PLOD1: variants seen among roughly 807,000 people sequenced by gnomAD.
PLOD1 encodes the protein lysine hydroxylase.
In PLOD1, 70 loss-of-function variants were observed where a neutral mutation model predicts 94.7. That is an observed-to-expected ratio of 0.74 (90% CI 0.61 to 0.90). The LOEUF is 0.90. PLOD1 is among the 40% of genes least tolerant of loss of function. The probability of loss-of-function intolerance (pLI) is 0.00; values close to 1 mark genes in which losing one functional copy is unlikely to be tolerated. For missense variants in PLOD1, 905 were observed against 972.7 expected (o/e 0.93, Z 0.93); for synonymous variants, 417 against 400.2 (o/e 1.04, Z -0.50).
At chr1:11,966,947 C>T in intron 15 of PLOD1, 40 bp from the exon 16 acceptor site, 2 of 1,216,128 alleles carry the variant, frequency 1.6e-6, no homozygotes, top group Non-Finnish European at 2.5e-6. Flanking sequence ...TTCTGTGGTG[C>T]CACTGTGGAC....
chr1:11,962,399 C>G (rs879608857), intron 10 of PLOD1, among the ~76,000 whole-genome samples: 2 of 150,820 alleles, frequency 1.3e-5, no homozygotes, highest in African/African-American at 4.9e-5. Context: ...GTCTTAGCCT[C>G]CCGAGTAGCT....
chr1:11,957,918 G>A lies in PLOD1; in HGVS notation c.818G>A (p.Gly273Asp). The A allele has an allele frequency of 6.2e-7, 1 of 1,613,612 alleles. No individual in the cohort carries two copies. The highest frequency in any genetic ancestry group is 1.1e-5 in the South Asian group (1 of 91,066). The change falls in exon 8 of 19, where the codon GGC becomes GAC. Residue 273 changes from glycine (G) to aspartate (D), a missense_variant. Physicochemically the swap from Gly to Asp is moderately conservative, Grantham distance 94. Coordinates refer to ENST00000196061, the MANE Select transcript of PLOD1 (RefSeq NM_000302.4). This position sits in a 1 kb window ranked among gnomAD's most constrained non-coding sequence, Gnocchi z 4.1. ...ACAGGCTGCACCGTGTGTGACGAAGGCTTGCGCAGCCTCAAGGGCATTGGG... is the reference window on the plus strand; with the variant it reads ...ACAGGCTGCACCGTGTGTGACGAAGACTTGCGCAGCCTCAAGGGCATTGGG... ...FETGCTVCDE[G>D]LRSLKGIGDE...
intron 13 of PLOD1, 50 bp downstream of exon 13, chr1:11,964,835 G>A: frequency 6.2e-7 from 1 of 1,600,688 alleles, no homozygotes; most frequent in Non-Finnish European, 8.5e-7. Context: ...GGGCAGGCGG[G>A]AAGGTGGGCC....
intron 2 of PLOD1, among the ~76,000 whole-genome samples, chr1:11,949,551 C>T (rs1389240947): frequency 1.3e-5 from 2 of 152,184 alleles, no homozygotes; most frequent in Non-Finnish European, 2.9e-5. Context: ...TCCCGAGTAG[C>T]TGGAATTAGA....
At chr1:11,938,506 G>C (rs142687964) in intron 1 of PLOD1, among the ~76,000 whole-genome samples, 31 of 152,302 alleles carry the variant, frequency 2.0e-4, no homozygotes, top group African/African-American at 7.5e-4. Flanking sequence ...AGCTGGACAG[G>C]AGGACAGAGT....
intron 16 of PLOD1, among the ~76,000 whole-genome samples, chr1:11,967,499 G>C (rs1645826922): frequency 6.7e-6 from 1 of 148,604 alleles, no homozygotes; most frequent in Non-Finnish European, 1.5e-5. Context: ...TGCTGAGGGT[G>C]CTAGGCCCTG....
intron 5 of PLOD1, chr1:11,954,186 G>GC: frequency 7.0e-6 from 1 of 143,878 alleles, no homozygotes; most frequent in Non-Finnish European, 1.5e-5. Context: ...ATTTGGAGTA[G>GC]CGGCCAGGTG....
chr1:11,936,563 C>T (rs1645579979), intron 1 of PLOD1, among the ~76,000 whole-genome samples: 1 of 151,852 alleles, frequency 6.6e-6, no homozygotes, highest in African/African-American at 2.4e-5. Context: ...CACTGTGTCC[C>T]CCAGGCTGGA....
chr1:11,944,840 A>T (rs1645639562), intron 1 of PLOD1, among the ~76,000 whole-genome samples: 1 of 152,230 alleles, frequency 6.6e-6, no homozygotes, highest in South Asian at 2.1e-4. Context: ...AGCTCTGGCA[A>T]GCCAGGCCCC....
At position 11,970,685 on chromosome 1, in the gene PLOD1, G is replaced by T. The variant is rs1461337964; in HGVS notation, c.1771G>T (p.Gly591Cys). 1 of 1,613,096 alleles carries T rather than the reference G, an allele frequency of 6.2e-7. No individual in the cohort carries two copies. ...LGNNKDNRIQ[G>C]GYENVPTIDI... ...TCACCTCCAGGACAACCGCATCCAG[G>T]GTGGCTACGAGAACGTGCCGACTAT... Residue 591 changes from glycine to cysteine, a missense_variant, in exon 17 of 19, where the codon GGT (glycine) becomes TGT (cysteine). Transcript: ENST00000196061.
chr1:11,942,625 T>C (rs1645622473), intron 1 of PLOD1, among the ~76,000 whole-genome samples: 1 of 152,184 alleles, frequency 6.6e-6, no homozygotes. Flanking sequence ...TAGGAGGTCA[T>C]GCCAGGGTCT....
In PLOD1 at chr1:11,972,809, T is replaced by C; in HGVS notation, c.1903-63T>C. The stretch of plus-strand genomic sequence containing the variant: ...ACCAGGCCCCATGTGTGCACCCTCC[T>C]CTCCTGGCCTTTGTGTCCTCCTTAA... On this transcript the variant is annotated intron_variant, in intron 17 of 18. Coordinates refer to ENST00000196061, the MANE Select transcript of PLOD1 (RefSeq NM_000302.4). This position sits in a 1 kb window ranked among gnomAD's most constrained non-coding sequence, Gnocchi z 4.6. 6.2e-7 allele frequency: 1 copy of C among 1,602,680 alleles called. No individual in the cohort carries two copies. Among genetic ancestry groups the C allele is most frequent in the South Asian group, 1.1e-5 (1 of 90,700 alleles).
At position 11,970,711 on chromosome 1, in the gene PLOD1, T is replaced by A; in HGVS notation, c.1797T>A (p.Ile599=). The change falls in exon 17 of 19, where the codon ATT becomes ATA. Residue 599 remains isoleucine (I), a synonymous_variant. Transcript: ENST00000196061. ...IQGGYENVPT[I]DIHMNQIGFE... ...GTGGCTACGAGAACGTGCCGACTAT[T>A]GACATCCACATGAACCAGATCGGCT... 6.2e-7 allele frequency: 1 copy of A among 1,613,034 alleles called. No homozygotes were observed. The highest frequency in any genetic ancestry group is 8.5e-7 in the Non-Finnish European group (1 of 1,179,882).
chr1:11,960,161 G>A (rs1462993489), intron 9 of PLOD1, among the ~76,000 whole-genome samples: 1 of 152,026 alleles, frequency 6.6e-6, no homozygotes, highest in Non-Finnish European at 1.5e-5. Flanking sequence ...TAGTAGAGAC[G>A]TGGTTTCACC....
chr1:11,968,601 C>A (rs936330753), intron 16 of PLOD1, among the ~76,000 whole-genome samples: 1 of 150,644 alleles, frequency 6.6e-6, no homozygotes, highest in Non-Finnish European at 1.5e-5. Flanking sequence ...GCAACCTCCG[C>A]CTCCCAGGTT....
intron 10 of PLOD1, among the ~76,000 whole-genome samples, chr1:11,962,549 T>TA (rs1321997204): frequency 6.6e-6 from 1 of 152,104 alleles, no homozygotes; most frequent in Non-Finnish European, 1.5e-5. Flanking sequence ...GTGCTGGGAT[T>TA]ACAGGCGTGA....
chr1:11,949,977 TC>T, intron 3 of PLOD1, 71 bp downstream of exon 3: 1 of 1,501,916 alleles, frequency 6.7e-7, no homozygotes, highest in Non-Finnish European at 9.3e-7. Flanking sequence ...AATGAGGCCC[TC>T]CCAGAACATC....
At chr1:11,936,326 G>T (rs1238413078) in intron 1 of PLOD1, among the ~76,000 whole-genome samples, 2 of 151,646 alleles carry the variant, frequency 1.3e-5, no homozygotes, top group Admixed American at 6.6e-5. Flanking sequence ...AGCCCTCCCT[G>T]GCATGGGCCA....
At chr1:11,956,722 C>A (rs1480222162) in intron 6 of PLOD1, among the ~76,000 whole-genome samples, 195 bp from the exon 7 acceptor site, 4 of 152,148 alleles carry the variant, frequency 2.6e-5, no homozygotes, top group Non-Finnish European at 5.9e-5. Flanking sequence ...TTGTTCAACA[C>A]AAATCCTCCC....
Sources: gnomAD v4.1 joint callset for allele counts (sites outside exome capture counted in the v4.1 genomes callset) on GRCh38, gnomAD v4.1.1 for gene constraint, Gnocchi (gnomAD v3.1) non-coding constraint, MANE v1.5 for transcripts, NCBI Gene and HGNC (gene_info 2026-07-23, HGNC 2026-07-21) for gene names.